The following COX16 variants were observed in gnomAD, a reference collection of about 807,000 sequenced individuals.
COX16 encodes the protein cytochrome c oxidase assembly factor COX16, also known as cytochrome c oxidase assembly protein COX16 homolog, mitochondrial.
Under a neutral mutation model 15.4 loss-of-function variants are expected in COX16, and 12 were observed. The ratio of observed to expected loss-of-function variants is 0.78; its 90% CI spans 0.50 to 1.26. The LOEUF is 1.26. Ranked by LOEUF, COX16 falls within the 50% of genes most tolerant of loss-of-function variation. The pLI, the probability that COX16 is intolerant of heterozygous loss-of-function variation, is 0.00. For missense variants in COX16, 124 were observed against 127.6 expected (o/e 0.97, Z 0.14); for synonymous variants, 46 against 41.1 (o/e 1.12, Z -0.46).
At chr14:70,348,186 T>C (rs1886839551) in intron 1 of COX16, among the ~76,000 whole-genome samples, 1 of 152,188 alleles carries the variant, frequency 6.6e-6, no homozygotes, top group Non-Finnish European at 1.5e-5. Flanking sequence ...GCAGCTGCTG[T>C]CTTCATCCTT....
chr14:70,344,537 AACTC>A (rs1886717857), intron 1 of COX16, among the ~76,000 whole-genome samples: 1 of 152,242 alleles, frequency 6.6e-6, no homozygotes, highest in South Asian at 2.1e-4. Flanking sequence ...CACAAGGAGA[AACTC>A]ACTCACCATT....
chr14:70,342,051 A>G (rs1682165100), intron 2 of COX16, among the ~76,000 whole-genome samples: 1 of 152,204 alleles, frequency 6.6e-6, no homozygotes, highest in Non-Finnish European at 1.5e-5. Flanking sequence ...AAAATTATTG[A>G]CCTCTGTTTT....
chr14:70,356,927 C>T (rs1446196231), intron 1 of COX16, among the ~76,000 whole-genome samples: 2 of 151,988 alleles, frequency 1.3e-5, no homozygotes, highest in African/African-American at 4.8e-5. Flanking sequence ...CACCCCTCCA[C>T]CCAAGCTCCG....
chr14:70,328,814 T>C (rs937777111), intron 3 of COX16, among the ~76,000 whole-genome samples: 2 of 152,166 alleles, frequency 1.3e-5, no homozygotes, highest in African/African-American at 2.4e-5. Context: ...CTTTTTTCAT[T>C]CTTAACTTTT....
At chr14:70,346,334 T>C (rs1886779932) in intron 1 of COX16, among the ~76,000 whole-genome samples, 1 of 152,236 alleles carries the variant, frequency 6.6e-6, no homozygotes, top group Non-Finnish European at 1.5e-5. Flanking sequence ...TCAGGGGCCC[T>C]GCAGGCCCAC....
chr14:70,358,850 A>T (rs1887210790), intron 1 of COX16, among the ~76,000 whole-genome samples: 2 of 152,208 alleles, frequency 1.3e-5, no homozygotes, highest in South Asian at 2.1e-4. Context: ...ATTTCATGAC[A>T]TCCTTAGGGA....
In COX16 at chr14:70,326,167, A is replaced by AACCT; in HGVS notation, c.*162_*165dup. ...AGATGGAATAGCTGGGAAGTATAAA[A>AACCT]ACCTGTACATGACCTTTAGTGAAGA... is the stretch of plus-strand genomic sequence containing the variant. On this transcript the variant is annotated 3_prime_UTR_variant, in exon 4 of 4. Coordinates refer to ENST00000389912, the MANE Select transcript of COX16 (RefSeq NM_016468.7). 1 of 429,390 alleles carries AACCT rather than the reference A, an allele frequency of 2.3e-6. No individual in the cohort carries two copies. The highest frequency in any genetic ancestry group is 3.8e-6 in the Non-Finnish European group (1 of 265,336). The allele number at this position is 429,390 out of a possible 1,614,324, so 26.6% of individuals were successfully genotyped here.
At chr14:70,358,048 G>A (rs1413475331) in intron 1 of COX16, among the ~76,000 whole-genome samples, 2 of 152,080 alleles carry the variant, frequency 1.3e-5, no homozygotes, top group African/African-American at 4.8e-5. Flanking sequence ...CCATCAAAAG[G>A]AATGAAGTAT....
At chr14:70,329,128 C>T in intron 3 of COX16, 46 bp downstream of exon 3, 1 of 1,535,494 alleles carries the variant, frequency 6.5e-7, no homozygotes, top group Non-Finnish European at 8.8e-7. Context: ...CAGATAAAAC[C>T]AGTAACTGAT....
At chr14:70,338,310 A>C (rs180952021) in intron 2 of COX16, among the ~76,000 whole-genome samples, 1 of 152,160 alleles carries the variant, frequency 6.6e-6, no homozygotes, top group East Asian at 1.9e-4. Flanking sequence ...ATGAGGCTTC[A>C]CCATATTGCC....
intron 1 of COX16, among the ~76,000 whole-genome samples, chr14:70,353,857 GAATTA>G (rs1384747402): frequency 2.0e-5 from 3 of 151,802 alleles, no homozygotes; most frequent in Non-Finnish European, 4.4e-5. Flanking sequence ...ACCAATTAAA[GAATTA>G]AATATTAAAA....
At chr14:70,335,241 A>G (rs973758327) in intron 2 of COX16, among the ~76,000 whole-genome samples, 5 of 152,194 alleles carry the variant, frequency 3.3e-5, no homozygotes, top group African/African-American at 4.8e-5. Flanking sequence ...AGACTGCAAT[A>G]CATAATATTG....
intron 2 of COX16, 24 bp from the exon 3 acceptor site, chr14:70,329,260 TAA>T (rs1462564504): frequency 1.9e-6 from 3 of 1,586,326 alleles, no homozygotes; most frequent in East Asian, 2.3e-5. Flanking sequence ...AAAAAAGTAA[TAA>T]GTTATCTAAG....
chr14:70,329,461 C>T (rs1193361133), intron 2 of COX16, among the ~76,000 whole-genome samples: 1 of 151,974 alleles, frequency 6.6e-6, no homozygotes, highest in Admixed American at 6.5e-5. Context: ...ATGTGAGAGG[C>T]ATTTTGACAT....
intron 1 of COX16, among the ~76,000 whole-genome samples, chr14:70,355,079 C>A (rs1224208335): frequency 8.5e-5 from 13 of 152,106 alleles, no homozygotes; most frequent in African/African-American, 3.1e-4. Context: ...CTTTCCTGGA[C>A]ACCACTTTCC....
chr14:70,345,289 C>T (rs764157025), intron 1 of COX16, among the ~76,000 whole-genome samples: 6 of 152,214 alleles, frequency 3.9e-5, no homozygotes, highest in African/African-American at 7.2e-5. Flanking sequence ...AAGAAGGCGC[C>T]GGCGTGTGCC....
intron 2 of COX16, among the ~76,000 whole-genome samples, chr14:70,334,153 TCA>T (rs1886374831): frequency 6.6e-6 from 1 of 152,158 alleles, no homozygotes; most frequent in Non-Finnish European, 1.5e-5. Flanking sequence ...GATGTTTAAA[TCA>T]CTTTTATCTT....
chr14:70,354,220 T>C (rs1304116161), intron 1 of COX16, among the ~76,000 whole-genome samples: 1 of 151,914 alleles, frequency 6.6e-6, no homozygotes, highest in East Asian at 1.9e-4. Context: ...CAACATAAAA[T>C]CAAAAGAGAA....
intron 2 of COX16, among the ~76,000 whole-genome samples, chr14:70,338,089 G>A (rs1455992238): frequency 6.6e-6 from 1 of 152,170 alleles, no homozygotes; most frequent in Non-Finnish European, 1.5e-5. Flanking sequence ...AATCTTCAAA[G>A]AAATCAGAAG....
Sources: gnomAD v4.1 joint callset for allele counts (sites outside exome capture counted in the v4.1 genomes callset) on GRCh38, gnomAD v4.1.1 for gene constraint, MANE v1.5 for transcripts, NCBI Gene and HGNC (gene_info 2026-07-23, HGNC 2026-07-21) for gene names.